Variants in RANBP2 observed in about 807,000 individuals in gnomAD.
RANBP2 encodes E3 SUMO-protein ligase RanBP2.
A neutral mutation model predicts 303.6 loss-of-function variants in RANBP2; 57 were observed. The observed-to-expected ratio is 0.19, with a 90% CI of 0.15 to 0.23. RANBP2 has a LOEUF of 0.23. RANBP2 is among the 10% of genes least tolerant of loss of function. RANBP2 has a pLI of 1.00. For missense variants in RANBP2, 3,138 were observed against 3,780.8 expected (o/e 0.83, Z 4.46); for synonymous variants, 1,167 against 1,301.5 (o/e 0.90, Z 2.23).
chr2:109,377,801 C>T, the RANBP2 span, among the ~76,000 whole-genome samples: 1 of 152,308 alleles, frequency 6.6e-6, no homozygotes, highest in Admixed American at 6.5e-5. Context: ...CCTCCTGCTC[C>T]TGTAGCACCG....
chr2:109,568,551 G>GT, the RANBP2 span, among the ~76,000 whole-genome samples: 1 of 151,888 alleles, frequency 6.6e-6, no homozygotes, highest in Non-Finnish European at 1.5e-5. Context: ...CAGAACTCTT[G>GT]TAAGATTAAT....
the RANBP2 span, among the ~76,000 whole-genome samples, chr2:109,047,341 A>T: frequency 6.6e-6 from 1 of 152,084 alleles, no homozygotes; most frequent in South Asian, 2.1e-4. Context: ...TTAGCAGGGG[A>T]CTCTTGATGA....
At chr2:109,006,573 G>A in the RANBP2 span, among the ~76,000 whole-genome samples, 4 of 152,304 alleles carry the variant, frequency 2.6e-5, no homozygotes, top group East Asian at 7.7e-4. Context: ...ACACTTGCGA[G>A]TCGTGGCAGC....
the RANBP2 span, among the ~76,000 whole-genome samples, chr2:109,624,901 C>T: frequency 1.4e-4 from 21 of 151,422 alleles, no homozygotes; most frequent in Admixed American, 8.6e-4. Context: ...GCCAACATGG[C>T]GAAACCCCGT....
chr2:108,827,555 G>A, the RANBP2 span, among the ~76,000 whole-genome samples: 5 of 151,986 alleles, frequency 3.3e-5, no homozygotes, highest in Admixed American at 1.3e-4. Flanking sequence ...AGTGGCTCCC[G>A]CCTGTAATCC....
chr2:108,762,234 T>C, intron 19 of RANBP2, 39 bp downstream of exon 19: 2 of 1,505,074 alleles, frequency 1.3e-6, no homozygotes, highest in Non-Finnish European at 1.8e-6. Context: ...AATTATTTCC[T>C]TTTTAAATTG....
the RANBP2 span, among the ~76,000 whole-genome samples, chr2:109,611,858 C>T: frequency 6.6e-6 from 1 of 152,160 alleles, no homozygotes; most frequent in Non-Finnish European, 1.5e-5. Flanking sequence ...TGTGCAGAAA[C>T]TGGACCTCTC....
At chr2:109,667,310 T>C in the RANBP2 span, 8 of 625,710 alleles carry the variant, frequency 1.3e-5, no homozygotes, top group Non-Finnish European at 1.5e-5. Context: ...TGTGGCCAAT[T>C]GACTGCCATT....
the RANBP2 span, among the ~76,000 whole-genome samples, chr2:109,455,959 C>G: frequency 6.6e-6 from 1 of 152,246 alleles, no homozygotes; most frequent in African/African-American, 2.4e-5. Flanking sequence ...AGAACTGATT[C>G]ACCCACGTGG....
the RANBP2 span, among the ~76,000 whole-genome samples, chr2:109,098,353 C>G: frequency 2.0e-5 from 3 of 152,146 alleles, no homozygotes; most frequent in Non-Finnish European, 4.4e-5. Context: ...GTTATCTGAC[C>G]CTCCAAGAAA....
chr2:109,379,112 G>C, the RANBP2 span, among the ~76,000 whole-genome samples: 3 of 152,200 alleles, frequency 2.0e-5, no homozygotes, highest in Non-Finnish European at 4.4e-5. Context: ...TTGCTGTCCT[G>C]TGCGTTCTGC....
the RANBP2 span, among the ~76,000 whole-genome samples, chr2:109,214,780 G>A: frequency 6.6e-6 from 1 of 152,234 alleles, no homozygotes; most frequent in African/African-American, 2.4e-5. Flanking sequence ...CACCCCTCTG[G>A]ACTTGCGTCC....
chr2:109,090,308 CCTCACA>C, the RANBP2 span, among the ~76,000 whole-genome samples: 1,987 of 132,810 alleles, frequency 0.015, 30 homozygotes, highest in East Asian at 0.045. Context: ...GGACACCTCG[CCTCACA>C]CACACACACA....
At chr2:108,927,661 C>T in the RANBP2 span, among the ~76,000 whole-genome samples, 1 of 152,036 alleles carries the variant, frequency 6.6e-6, no homozygotes, top group Non-Finnish European at 1.5e-5. Flanking sequence ...ACTACAGCGG[C>T]CCCCAGCACC....
chr2:109,386,079 C>A, the RANBP2 span, among the ~76,000 whole-genome samples: 1 of 152,154 alleles, frequency 6.6e-6, no homozygotes, highest in African/African-American at 2.4e-5. Context: ...TGAAAAATCT[C>A]AAAAGAATGT....
the RANBP2 span, among the ~76,000 whole-genome samples, chr2:109,399,928 C>T: frequency 5.3e-5 from 8 of 152,340 alleles, no homozygotes; most frequent in South Asian, 2.1e-4. Context: ...TTTCTCCCTG[C>T]GCTGCAGCCT....
At chr2:109,489,930 G>A in the RANBP2 span, among the ~76,000 whole-genome samples, 1 of 152,178 alleles carries the variant, frequency 6.6e-6, no homozygotes, top group South Asian at 2.1e-4. Context: ...TAGAGACAGG[G>A]TTTCACCATG....
chr2:109,551,955 G>A, the RANBP2 span, among the ~76,000 whole-genome samples: 38,589 of 152,018 alleles, frequency 0.25, 5,002 homozygotes, highest in South Asian at 0.3. Flanking sequence ...TCCCCAGGCC[G>A]CGGACCAGTA....
chr2:109,642,859 C>T, the RANBP2 span, among the ~76,000 whole-genome samples: 1 of 151,562 alleles, frequency 6.6e-6, no homozygotes, highest in Admixed American at 6.6e-5. Flanking sequence ...AGTCTGGAAT[C>T]TGCATCTCAT....
Sources: gnomAD v4.1 joint callset for allele counts (sites outside exome capture counted in the v4.1 genomes callset) on GRCh38, gnomAD v4.1.1 for gene constraint, MANE v1.5 for transcripts, NCBI Gene and HGNC (gene_info 2026-07-23, HGNC 2026-07-21) for gene names.